The following TMPRSS15 variants were observed in gnomAD, a reference collection of about 807,000 sequenced individuals.
TMPRSS15 encodes enteropeptidase.
Under a neutral mutation model 125.3 loss-of-function variants are expected in TMPRSS15, and 128 were observed. That is an observed-to-expected ratio of 1.02 (90% CI 0.89 to 1.18). The LOEUF is 1.18. Ranked by LOEUF, TMPRSS15 falls within the 50% of genes most tolerant of loss-of-function variation. The probability of loss-of-function intolerance (pLI) is 0.00; values close to 1 mark genes in which losing one functional copy is unlikely to be tolerated. For missense variants in TMPRSS15, 1,283 were observed against 1,212.7 expected (o/e 1.06, Z -0.86); for synonymous variants, 446 against 423.2 (o/e 1.05, Z -0.66).
chr21:18,284,145 C>T lies in TMPRSS15; in HGVS notation c.2487-2924G>A, dbSNP rs1018804749. On this transcript the variant is annotated intron_variant, in intron 21 of 24. Coordinates refer to ENST00000284885, the MANE Select transcript of TMPRSS15 (RefSeq NM_002772.3). The stretch of plus-strand genomic sequence containing the variant: ...GCAGCACCATGGATAGGAAAAATTC[C>T]GCCGCCATGTATCATTTACATCTTT... Among the ~76,000 whole-genome samples, 10 of 152,068 alleles carry T rather than the reference C, an allele frequency of 6.6e-5. No homozygotes were observed. The South Asian group carries it at 1.9e-3, about 28-fold the overall frequency.
intron 1 of TMPRSS15, among the ~76,000 whole-genome samples, chr21:18,402,903 C>A (rs2824808): frequency 0.38 from 57,298 of 152,044 alleles, 11,238 homozygotes; most frequent in East Asian, 0.56. Context: ...TTAGCTCTAA[C>A]TAAGAGTTAT....
intron 3 of TMPRSS15, among the ~76,000 whole-genome samples, chr21:18,386,500 T>C (rs2075945162): frequency 6.6e-6 from 1 of 152,214 alleles, no homozygotes; most frequent in Non-Finnish European, 1.5e-5. Context: ...TGGTTGGATA[T>C]TTTTGGGGAG....
At chr21:18,332,268 G>T in intron 13 of TMPRSS15, 95 bp from the exon 14 acceptor site, 1 of 1,157,512 alleles carries the variant, frequency 8.6e-7, no homozygotes, top group Non-Finnish European at 1.3e-6. Flanking sequence ...ACATTTCTTA[G>T]AATACAAATT....
At chr21:18,326,721 A>G in intron 15 of TMPRSS15, 149 bp from the exon 16 acceptor site, 1 of 813,988 alleles carries the variant, frequency 1.2e-6, no homozygotes, top group Non-Finnish European at 2.0e-6. Context: ...GAACACACAC[A>G]TTCTCTTACA....
At chr21:18,310,149 A>T (rs1166528034) in intron 18 of TMPRSS15, among the ~76,000 whole-genome samples, 1 of 152,180 alleles carries the variant, frequency 6.6e-6, no homozygotes, top group African/African-American at 2.4e-5. Context: ...TAAGAACTGG[A>T]ACAAGACAAA....
chr21:18,277,997 G>T (rs569818216), intron 23 of TMPRSS15, among the ~76,000 whole-genome samples: 2 of 152,172 alleles, frequency 1.3e-5, no homozygotes, highest in African/African-American at 4.8e-5. Flanking sequence ...TGATTTCTGT[G>T]TTTGGAAAAC....
chr21:18,365,037 A>G, intron 7 of TMPRSS15, 103 bp downstream of exon 7: 2 of 961,028 alleles, frequency 2.1e-6, no homozygotes, highest in Non-Finnish European at 3.3e-6. Flanking sequence ...CTTCATAGTT[A>G]ATGAAAACAA....
At chr21:18,297,708 G>A in intron 19 of TMPRSS15, 26 bp downstream of exon 19, 1 of 1,555,706 alleles carries the variant, frequency 6.4e-7, no homozygotes, top group Non-Finnish European at 8.9e-7. Context: ...TGTACAACTA[G>A]TCTAAGAACA....
intron 1 of TMPRSS15, among the ~76,000 whole-genome samples, chr21:18,444,602 GTGCACA>G (rs1363838219): frequency 6.6e-6 from 1 of 152,014 alleles, no homozygotes; most frequent in Non-Finnish European, 1.5e-5. Context: ...TCTGCACGTT[GTGCACA>G]TGTACCCTAG....
intron 1 of TMPRSS15, among the ~76,000 whole-genome samples, chr21:18,457,588 G>A (rs1032874040): frequency 6.6e-6 from 1 of 152,118 alleles, no homozygotes; most frequent in Non-Finnish European, 1.5e-5. Context: ...CAATCTTATA[G>A]TAGTTATTAA....
intron 1 of TMPRSS15, among the ~76,000 whole-genome samples, chr21:18,462,457 T>C (rs2122953196): frequency 1.3e-5 from 2 of 152,224 alleles, no homozygotes; most frequent in East Asian, 3.9e-4. Context: ...TTTATTTAAT[T>C]AGATAAATCA....
At position 18,343,986 on chromosome 21, in the gene TMPRSS15, G is replaced by A. The variant is rs371189471; in HGVS notation, c.1246C>T (p.Pro416Ser). Residue 416 changes from proline (P) to serine (S), a missense_variant, in exon 11 of 25, where the codon CCC (proline) becomes TCC (serine). Pro to Ser is a moderately conservative substitution (Grantham distance 74, BLOSUM62 -1). Transcript: ENST00000284885. ...RVGLLSLPLD[P>S]TLEPACLSFW... ...CTAAGGCAAGCTGGCTCCAAAGTGG[G>A]GTCCAAAGGGAGGCTTAAAAGCCCC... 207 of 1,613,870 alleles carry A rather than the reference G, an allele frequency of 1.3e-4. 1 individual carries two copies. Among genetic ancestry groups the A allele is most frequent in the Non-Finnish European group, 1.7e-4 (199 of 1,180,002 alleles).
chr21:18,353,949 C>A, intron 8 of TMPRSS15, 86 bp from the exon 9 acceptor site: 1 of 1,261,164 alleles, frequency 7.9e-7, no homozygotes, highest in South Asian at 1.2e-5. Flanking sequence ...ACTGAACTAT[C>A]AGTTTGTCAG....
chr21:18,485,006 T>G (rs1979052487), intron 1 of TMPRSS15, among the ~76,000 whole-genome samples: 1 of 151,968 alleles, frequency 6.6e-6, no homozygotes, highest in Non-Finnish European at 1.5e-5. Context: ...CTGATACTGA[T>G]TGTTTTAATT....
intron 1 of TMPRSS15, among the ~76,000 whole-genome samples, chr21:18,452,162 G>A (rs767423676): frequency 1.5e-4 from 23 of 152,084 alleles, no homozygotes; most frequent in Non-Finnish European, 2.9e-4. Flanking sequence ...TGGCACCTGC[G>A]AGTACATAGA....
intron 1 of TMPRSS15, among the ~76,000 whole-genome samples, chr21:18,438,607 G>T (rs552064854): frequency 6.6e-6 from 1 of 151,962 alleles, no homozygotes; most frequent in Non-Finnish European, 1.5e-5. Context: ...TATTTGTATG[G>T]TGCTTTATAC....
chr21:18,397,486 CT>C (rs1442707816), intron 3 of TMPRSS15, among the ~76,000 whole-genome samples: 3 of 152,100 alleles, frequency 2.0e-5, no homozygotes, highest in Non-Finnish European at 4.4e-5. Context: ...CTTATGCCCT[CT>C]GGGTACACAG....
At chr21:18,284,838 TA>T (rs1345608443) in intron 21 of TMPRSS15, among the ~76,000 whole-genome samples, 3 of 152,124 alleles carry the variant, frequency 2.0e-5, no homozygotes, top group African/African-American at 7.2e-5. Context: ...CCGTCTCTAC[TA>T]AAAATACAAA....
intron 8 of TMPRSS15, among the ~76,000 whole-genome samples, chr21:18,354,919 T>C (rs2147010889): frequency 6.6e-6 from 1 of 151,930 alleles, no homozygotes; most frequent in African/African-American, 2.4e-5. Context: ...AAGAGATACT[T>C]TTATGAACTA....
Sources: allele counts gnomAD v4.1 joint callset (sites outside exome capture counted in the v4.1 genomes callset), GRCh38; gene constraint gnomAD v4.1.1; transcripts MANE v1.5; gene names NCBI Gene and HGNC (gene_info 2026-07-23, HGNC 2026-07-21).